Variants in AKAP13 observed in about 807,000 individuals in gnomAD.
AKAP13 encodes A-kinase anchoring protein 13.
A neutral mutation model predicts 264.5 loss-of-function variants in AKAP13; 80 were observed. The observed-to-expected ratio is 0.30, with a 90% CI of 0.25 to 0.36. AKAP13 has a LOEUF of 0.36. AKAP13 is among the 10% of genes least tolerant of loss of function. AKAP13 has a pLI of 1.00. For synonymous variants in AKAP13, 1,380 were observed against 1,250.2 expected, an observed-to-expected ratio of 1.10 and a Z score of -2.19; for missense variants, 3,712 against 3,435.2, an observed-to-expected ratio of 1.08 and a Z score of -2.01.
At chr15:85,743,372 TC>T in intron 35 of AKAP13, 119 bp from the exon 36 acceptor site, 1 of 1,032,850 alleles carries the variant, frequency 9.7e-7, no homozygotes, top group Non-Finnish European at 1.4e-6. Flanking sequence ...TCTGTAGAGT[TC>T]GCAGAGGTGG....
intron 35 of AKAP13, among the ~76,000 whole-genome samples, chr15:85,742,944 A>T (rs957497228): frequency 6.6e-6 from 1 of 152,176 alleles, no homozygotes; most frequent in Non-Finnish European, 1.5e-5. Context: ...TTCCACCCCC[A>T]TCCCAATAAA....
At position 85,744,608 on chromosome 15, in the gene AKAP13, C is replaced by T. The variant is rs769759314; in HGVS notation, c.8393-20C>T. On this transcript the variant is annotated intron_variant, in intron 36 of 36. Transcript: ENST00000394518. ...GCAGTTTTTCTGAATTTTTTTCATT[C>T]TTGGTTTTCACATTTCCAGATGGTC... The T allele has an allele frequency of 2.5e-6, 4 of 1,613,700 alleles. No individual in the cohort carries two copies. In the Admixed American group the frequency reaches 5.0e-5, roughly 20 times the overall value.
At chr15:85,479,051 T>C (rs777339035) in intron 1 of AKAP13, among the ~76,000 whole-genome samples, 1 of 152,254 alleles carries the variant, frequency 6.6e-6, no homozygotes, top group Non-Finnish European at 1.5e-5. Context: ...AGTAAAGCAT[T>C]CATGAGGGTC....
At chr15:85,670,152 T>C (rs2083840077) in intron 14 of AKAP13, among the ~76,000 whole-genome samples, 1 of 152,162 alleles carries the variant, frequency 6.6e-6, no homozygotes, top group African/African-American at 2.4e-5. Context: ...GGGAAAAAAT[T>C]GCAAAAATAG....
chr15:85,605,941 T>G (rs569477049), intron 8 of AKAP13, among the ~76,000 whole-genome samples: 88 of 152,286 alleles, frequency 5.8e-4, no homozygotes, highest in African/African-American at 8.7e-4. Context: ...CTCATGTATT[T>G]ATAAGGTCTA....
intron 1 of AKAP13, among the ~76,000 whole-genome samples, chr15:85,427,288 C>A (rs1348662323): frequency 6.6e-6 from 1 of 152,010 alleles, no homozygotes; most frequent in African/African-American, 2.4e-5. Context: ...AGAATTGAAA[C>A]CTTGCTCTTA....
At chr15:85,686,190 CAT>C (rs1491577832) in intron 16 of AKAP13, among the ~76,000 whole-genome samples, 10 of 63,626 alleles carry the variant, frequency 1.6e-4, no homozygotes, top group Non-Finnish European at 2.1e-4. Flanking sequence ...CACGTGCATG[CAT>C]GTGTGTGTGT....
rs2077464088 is a variant in AKAP13, at chr15:85,538,159, G to C, written c.478+4279G>C. On this transcript the variant is annotated intron_variant, in intron 4 of 36. Transcript: ENST00000394518. Reference sequence around the variant, plus strand: ...AGAGACCCTTGTGCAGTAGCCGTCAGCATAACTCCCAGGTAATGTAGGGTG... The same window carrying C: ...AGAGACCCTTGTGCAGTAGCCGTCACCATAACTCCCAGGTAATGTAGGGTG... Among the ~76,000 whole-genome samples the C allele has an allele frequency of 7.9e-5, 12 of 152,290 alleles. No homozygotes were observed. The South Asian group carries it at 2.5e-3, about 32-fold the overall frequency.
rs371494049 is a variant in AKAP13, at chr15:85,655,616, G to A, written c.4574G>A (p.Ser1525Asn). Residue 1525 changes from serine to asparagine, a missense_variant, in exon 11 of 37, where the codon AGT becomes AAT. Ser to Asn is a conservative substitution (Grantham distance 46, BLOSUM62 1). Transcript: ENST00000394518. ...GMGAEGRESE[S>N]EPADPGDVEE... ...GGAGCTGAGGGTCGAGAAAGTGAGA[G>A]TGAGCCTGCTGACCCAGGCGACGTG... 5.6e-6 allele frequency: 9 copies of A among 1,614,132 alleles called. No individual in the cohort carries two copies. Among genetic ancestry groups the A allele is most frequent in the Non-Finnish European group, 7.6e-6 (9 of 1,180,046 alleles).
At chr15:85,645,182 G>A (rs903393759) in intron 9 of AKAP13, among the ~76,000 whole-genome samples, 5 of 152,188 alleles carry the variant, frequency 3.3e-5, no homozygotes, top group African/African-American at 1.2e-4. Context: ...CTTATTTCAA[G>A]CTACTAAGTT....
At chr15:85,401,445 CT>C (rs1335824216) in intron 1 of AKAP13, among the ~76,000 whole-genome samples, 1 of 152,162 alleles carries the variant, frequency 6.6e-6, no homozygotes, top group Non-Finnish European at 1.5e-5. Context: ...TTTTGGAAAT[CT>C]TTTGGGGCAA....
chr15:85,444,240 T>C (rs905901896), intron 1 of AKAP13, among the ~76,000 whole-genome samples: 1 of 152,204 alleles, frequency 6.6e-6, no homozygotes, highest in African/African-American at 2.4e-5. Context: ...GGTGTTATGC[T>C]TGGGTTCAAC....
chr15:85,646,606 C>G (rs1258936153), intron 10 of AKAP13, among the ~76,000 whole-genome samples: 1 of 152,110 alleles, frequency 6.6e-6, no homozygotes, highest in Non-Finnish European at 1.5e-5. Flanking sequence ...GACCGCAGCT[C>G]AGACTATATG....
intron 9 of AKAP13, among the ~76,000 whole-genome samples, chr15:85,641,368 C>T (rs1288444738): frequency 6.6e-6 from 1 of 150,700 alleles, no homozygotes; most frequent in Non-Finnish European, 1.5e-5. Flanking sequence ...ATCACTTGAA[C>T]CTGGGAGGCG....
intron 16 of AKAP13, among the ~76,000 whole-genome samples, chr15:85,687,874 A>G (rs949106729): frequency 1.1e-4 from 16 of 152,034 alleles, no homozygotes; most frequent in African/African-American, 3.9e-4. Context: ...CCTCATCTCT[A>G]CAAAAAAATT....
intron 1 of AKAP13, among the ~76,000 whole-genome samples, chr15:85,435,896 A>T (rs879481059): frequency 1.4e-5 from 2 of 144,752 alleles, no homozygotes; most frequent in African/African-American, 5.1e-5. Context: ...GACTAGGAAG[A>T]AACTGCATCA....
intron 1 of AKAP13, among the ~76,000 whole-genome samples, chr15:85,409,096 A>T (rs7183745): frequency 6.6e-6 from 1 of 151,414 alleles, no homozygotes; most frequent in African/African-American, 2.5e-5. Flanking sequence ...GCATCTTTTT[A>T]TGTGGTTATT....
rs1597220994 is a variant in AKAP13 at position 85,735,547 on chromosome 15, A to ATTT, written c.7442-9_7442-7dup. 3 of 1,601,646 alleles carry ATTT rather than the reference A, an allele frequency of 1.9e-6. No homozygotes were observed. Among genetic ancestry groups the ATTT allele is most frequent in the Admixed American group, 1.8e-5 (1 of 57,032 alleles). On this transcript the variant is annotated splice_polypyrimidine_tract_variant and intron_variant, in intron 31 of 36. Transcript: ENST00000394518. The stretch of plus-strand genomic sequence containing the variant: ...CAACTTTAAAAAAAAAAACAACCCT[A>ATTT]TTTTTTGTTTAGGAGGCGAGAAGGA...
In AKAP13 at chr15:85,403,907, C is replaced by G. The variant is rs191599996; in HGVS notation, c.-12+23109C>G. On this transcript the variant is annotated intron_variant, in intron 1 of 36. Transcript: ENST00000394518. ...CTCTCTCTTTCCTTGCTTTTGGGAC[C>G]TGGAAGCACAAGTAGCTATGACAGT... 2.6e-3 allele frequency among the ~76,000 whole-genome samples: 397 copies of G among 151,854 alleles called. 2 individuals carry two copies. Among genetic ancestry groups the G allele is most frequent in the African/African-American group, 9.2e-3 (380 of 41,380 alleles).
Sources: allele counts gnomAD v4.1 joint callset (sites outside exome capture counted in the v4.1 genomes callset), GRCh38; gene constraint gnomAD v4.1.1; transcripts MANE v1.5; gene names NCBI Gene and HGNC (gene_info 2026-07-23, HGNC 2026-07-21).